The following SH3BGRL2 variants were observed in gnomAD, a reference collection of about 807,000 sequenced individuals.
SH3BGRL2 encodes SH3 domain-binding glutamic acid-rich-like protein 2.
SH3BGRL2 carries 21 observed loss-of-function variants against 14.8 expected under a neutral mutation model. The observed-to-expected ratio is 1.42, with a 90% CI of 1.01 to 2.05. SH3BGRL2 has a LOEUF of 2.05. Ranked by LOEUF, SH3BGRL2 falls within the 30% of genes most tolerant of loss-of-function variation. The pLI, the probability that SH3BGRL2 is intolerant of heterozygous loss-of-function variation, is 0.00. For missense variants in SH3BGRL2, 147 were observed against 130.8 expected, an observed-to-expected ratio of 1.12 and a Z score of -0.61; for synonymous variants, 50 against 47.8, an observed-to-expected ratio of 1.05 and a Z score of -0.19.
intron 2 of SH3BGRL2, among the ~76,000 whole-genome samples, chr6:79,689,616 C>G (rs1770168597): frequency 6.6e-6 from 1 of 151,736 alleles, no homozygotes. Flanking sequence ...TGCAGTGGTA[C>G]AATCTCAAAA....
chr6:79,570,394 G>T, the SH3BGRL2 span, among the ~76,000 whole-genome samples: 2 of 152,186 alleles, frequency 1.3e-5, no homozygotes, highest in African/African-American at 4.8e-5. Flanking sequence ...ATTACTCACT[G>T]CTGGAAAGAT....
the SH3BGRL2 span, among the ~76,000 whole-genome samples, chr6:79,544,378 A>G: frequency 6.6e-6 from 1 of 152,200 alleles, no homozygotes; most frequent in Non-Finnish European, 1.5e-5. Context: ...TCAGAGCTGG[A>G]ATAGAGCCTA....
the SH3BGRL2 span, among the ~76,000 whole-genome samples, chr6:79,607,960 GAA>G: frequency 7.2e-5 from 11 of 152,144 alleles, no homozygotes; most frequent in African/African-American, 2.6e-4. Flanking sequence ...AAAAGAAAAA[GAA>G]AAGAGGTTTA....
the SH3BGRL2 span, among the ~76,000 whole-genome samples, chr6:79,576,983 C>G: frequency 2.6e-5 from 4 of 152,112 alleles, no homozygotes; most frequent in Non-Finnish European, 5.9e-5. Context: ...GTAGTTTTAG[C>G]TTTTACATTT....
chr6:79,673,848 A>G, intron 2 of SH3BGRL2, 49 bp downstream of exon 2: 1 of 1,566,892 alleles, frequency 6.4e-7, no homozygotes, highest in Non-Finnish European at 8.7e-7. Flanking sequence ...TGTTCAGAAC[A>G]CATGCCACCT....
the SH3BGRL2 span, among the ~76,000 whole-genome samples, chr6:79,580,838 A>T: frequency 6.6e-6 from 1 of 152,198 alleles, no homozygotes; most frequent in Non-Finnish European, 1.5e-5. Context: ...TCAAAATTCA[A>T]TGAAGCCAGG....
At chr6:79,672,960 A>G (rs1769801944) in intron 1 of SH3BGRL2, among the ~76,000 whole-genome samples, 1 of 152,148 alleles carries the variant, frequency 6.6e-6, no homozygotes, top group African/African-American at 2.4e-5. Flanking sequence ...AACTGATGAA[A>G]GGATGCTTTC....
chr6:79,643,222 C>A (rs539672143), intron 1 of SH3BGRL2, among the ~76,000 whole-genome samples: 4 of 152,146 alleles, frequency 2.6e-5, no homozygotes, highest in African/African-American at 9.7e-5. Flanking sequence ...TTCAGCTCAG[C>A]GGTAAAACCT....
the SH3BGRL2 span, among the ~76,000 whole-genome samples, chr6:79,619,660 A>G: frequency 2.0e-5 from 3 of 151,806 alleles, no homozygotes. Context: ...GATAAGCAGG[A>G]CCCCCATTGC....
chr6:79,650,997 T>C (rs35548680), intron 1 of SH3BGRL2, among the ~76,000 whole-genome samples: 68,260 of 150,946 alleles, frequency 0.45, 16,386 homozygotes, highest in Non-Finnish European at 0.53. Context: ...AATCATCCTG[T>C]TCTTTATTAT....
At chr6:79,678,945 G>T (rs538702980) in intron 2 of SH3BGRL2, among the ~76,000 whole-genome samples, 3 of 152,258 alleles carry the variant, frequency 2.0e-5, no homozygotes, top group Admixed American at 6.6e-5. Context: ...CAGAAGACAT[G>T]AGTTTATTCT....
chr6:79,570,849 G>C, the SH3BGRL2 span, among the ~76,000 whole-genome samples: 52 of 152,264 alleles, frequency 3.4e-4, 1 homozygote, highest in Non-Finnish European at 1.5e-5. Context: ...CAAGCACTCT[G>C]TTTTATTTGC....
chr6:79,582,092 C>A, the SH3BGRL2 span, among the ~76,000 whole-genome samples: 1 of 152,084 alleles, frequency 6.6e-6, no homozygotes, highest in South Asian at 2.1e-4. Context: ...TGTGAAGGAC[C>A]TCTTCAAGGA....
chr6:79,693,536 A>G (rs916786475), intron 2 of SH3BGRL2, among the ~76,000 whole-genome samples: 2 of 151,530 alleles, frequency 1.3e-5, no homozygotes, highest in African/African-American at 4.9e-5. Context: ...CGTCCCATCA[A>G]TACCTAATTT....
At chr6:79,568,631 G>A in the SH3BGRL2 span, among the ~76,000 whole-genome samples, 1 of 152,176 alleles carries the variant, frequency 6.6e-6, no homozygotes, top group African/African-American at 2.4e-5. Context: ...TAGGAAGCAA[G>A]GATGGGAGTA....
At chr6:79,605,022 G>C in the SH3BGRL2 span, among the ~76,000 whole-genome samples, 1 of 152,278 alleles carries the variant, frequency 6.6e-6, no homozygotes, top group Non-Finnish European at 1.5e-5. Context: ...TCCTTAAAAG[G>C]TGGAGTCTAA....
chr6:79,656,724 T>C (rs1288407306), intron 1 of SH3BGRL2, among the ~76,000 whole-genome samples: 1 of 152,162 alleles, frequency 6.6e-6, no homozygotes, highest in Non-Finnish European at 1.5e-5. Flanking sequence ...ATTTAGAGTA[T>C]AAGGGAGGAT....
chr6:79,621,251 C>G, the SH3BGRL2 span, among the ~76,000 whole-genome samples: 4 of 152,118 alleles, frequency 2.6e-5, no homozygotes, highest in Non-Finnish European at 5.9e-5. Flanking sequence ...ATGTTTGTGT[C>G]CTTCTCAACC....
chr6:79,657,685 C>T (rs1176032100), intron 1 of SH3BGRL2, among the ~76,000 whole-genome samples: 1 of 150,532 alleles, frequency 6.6e-6, no homozygotes, highest in Non-Finnish European at 1.5e-5. Context: ...GGTGTGATCT[C>T]GGCTCACTGC....
Sources: gnomAD v4.1 joint callset for allele counts (sites outside exome capture counted in the v4.1 genomes callset) on GRCh38, gnomAD v4.1.1 for gene constraint, MANE v1.5 for transcripts, NCBI Gene and HGNC (gene_info 2026-07-23, HGNC 2026-07-21) for gene names.